HEATR4: variants seen among roughly 807,000 people sequenced by gnomAD.
HEATR4 encodes the protein HEAT repeat-containing protein 4.
HEATR4 carries 95 observed loss-of-function variants against 108.8 expected under a neutral mutation model. The ratio of observed to expected loss-of-function variants is 0.87; its 90% CI spans 0.74 to 1.04. HEATR4 has a LOEUF of 1.04. Among genes scored for constraint, HEATR4 ranks in the 50% least tolerant of loss-of-function variants. The pLI is 0.00. For synonymous variants in HEATR4, 443 were observed against 459.4 expected (o/e 0.96, Z 0.46); for missense variants, 1,152 against 1,253.8 (o/e 0.92, Z 1.23).
Position 73,492,892 on chromosome 14 carries a change from G to A in HEATR4, c.2844+174C>T, listed in dbSNP as rs3742846. On this transcript the variant is annotated intron_variant, in intron 17 of 17. Transcript: ENST00000553558. This position sits in a 1 kb window ranked among gnomAD's most constrained non-coding sequence, Gnocchi z 4.9. ...AGGACCAGCTGTCCTTGGCAACCAC[G>A]TTGTATGATAAGGGGCTGCTGCTCA... The A allele has an allele frequency of 3.1e-6, 5 of 1,613,630 alleles. No individual in the cohort carries two copies. The Admixed American group carries it at 8.3e-5, about 27-fold the overall frequency.
chr14:73,562,583 G>A (rs370778757), upstream of HEATR4, among the ~76,000 whole-genome samples: 13 of 152,124 alleles, frequency 8.5e-5, no homozygotes, highest in East Asian at 2.5e-3. Flanking sequence ...GGACGTGCAA[G>A]TAGGAGAGAT....
intron 17 of HEATR4, chr14:73,491,348 G>T (rs1018681149): frequency 2.1e-6 from 3 of 1,437,668 alleles, no homozygotes; most frequent in Non-Finnish European, 2.7e-6. Flanking sequence ...GGCCTCGCCC[G>T]CCGCGCGCTC....
the HEATR4 span, among the ~76,000 whole-genome samples, chr14:73,621,474 T>C: frequency 6.6e-6 from 1 of 152,212 alleles, no homozygotes; most frequent in African/African-American, 2.4e-5. Flanking sequence ...GACTGGGACC[T>C]GTCTGCCTCA....
Position 73,552,758 on chromosome 14 carries a change from T to C in HEATR4, c.-152+5993A>G, listed in dbSNP as rs1265538250. On this transcript the variant is annotated intron_variant, in intron 1 of 17. Coordinates refer to ENST00000553558, the MANE Select transcript of HEATR4 (RefSeq NM_001220484.1). The stretch of plus-strand genomic sequence containing the variant: ...CCCCACTTCCTGATCCCACAACACC[T>C]TGGGCCCTCCAGATAACCCGCTGCT... 2.1e-4 allele frequency among the ~76,000 whole-genome samples: 22 copies of C among 105,996 alleles called. 8 individuals are homozygous for C. The highest frequency in any genetic ancestry group is 3.3e-4 in the Non-Finnish European group (17 of 51,418). The allele number at this position is 105,996 out of a possible 152,430, so 69.5% of individuals were successfully genotyped here. A position where few individuals can be genotyped will look rare whatever the true frequency, so the allele number is the denominator to read the frequency against.
the HEATR4 span, among the ~76,000 whole-genome samples, chr14:73,564,273 G>C: frequency 6.6e-6 from 1 of 151,394 alleles, no homozygotes; most frequent in Non-Finnish European, 1.5e-5. Flanking sequence ...ACTCCAGCCT[G>C]GGTGACAGAG....
the HEATR4 span, chr14:73,617,141 A>G: frequency 6.2e-7 from 1 of 1,613,852 alleles, no homozygotes. Context: ...TGAATGATGT[A>G]CATCTGGAGT....
intron 17 of HEATR4, among the ~76,000 whole-genome samples, chr14:73,486,888 T>C (rs1239144835): frequency 6.6e-6 from 1 of 152,194 alleles, no homozygotes; most frequent in Non-Finnish European, 1.5e-5. Context: ...TCATACTATG[T>C]ACACTTAAAC....
chr14:73,569,523 A>G, the HEATR4 span: 189 of 1,608,200 alleles, frequency 1.2e-4, 6 homozygotes, highest in Non-Finnish European at 1.5e-4. Context: ...GCAGCCGGTC[A>G]CGCTGCGCGC....
At chr14:73,528,597 A>C (rs955313435) in intron 2 of HEATR4, among the ~76,000 whole-genome samples, 5 of 152,070 alleles carry the variant, frequency 3.3e-5, no homozygotes, top group Admixed American at 3.3e-4. Flanking sequence ...CAAATTGTGC[A>C]CTTCCCAGTC....
At chr14:73,609,609 A>C in the HEATR4 span, among the ~76,000 whole-genome samples, 1 of 151,748 alleles carries the variant, frequency 6.6e-6, no homozygotes, top group African/African-American at 2.4e-5. Context: ...ACATCCTTCA[A>C]CTCCCTTGGG....
chr14:73,501,125 T>A (rs1304557600), intron 11 of HEATR4, among the ~76,000 whole-genome samples: 2 of 152,210 alleles, frequency 1.3e-5, no homozygotes, highest in Non-Finnish European at 2.9e-5. Context: ...TTATTTATTT[T>A]ATTATTTTTT....
chr14:73,574,878 C>A, the HEATR4 span: 1 of 1,612,832 alleles, frequency 6.2e-7, no homozygotes, highest in Non-Finnish European at 8.5e-7. Context: ...TGGAATCATT[C>A]TTCTTCTTTT....
chr14:73,578,978 G>C, the HEATR4 span, among the ~76,000 whole-genome samples: 2 of 151,494 alleles, frequency 1.3e-5, no homozygotes, highest in Non-Finnish European at 2.9e-5. Context: ...CCAGCTACTC[G>C]GGAGGCTGAG....
intron 17 of HEATR4, 98 bp from the exon 18 acceptor site, chr14:73,478,940 T>C (rs1447956093): frequency 1.8e-5 from 8 of 440,302 alleles, no homozygotes; most frequent in African/African-American, 1.5e-4. Flanking sequence ...GGGTGTCTCC[T>C]TTTTTTTTTT....
rs1412886530 is a variant in HEATR4, at chr14:73,551,351, G to A, written c.-152+7400C>T. On this transcript the variant is annotated intron_variant, in intron 1 of 17. Transcript: ENST00000553558. ...CCTCACCCACTAGGAATGTCAGGTGGTGGTTGACAGTTATCACGTTGCCTC... is the reference window on the plus strand; with the variant it reads ...CCTCACCCACTAGGAATGTCAGGTGATGGTTGACAGTTATCACGTTGCCTC... Among the ~76,000 whole-genome samples, 4 of 114,726 alleles carry A rather than the reference G, an allele frequency of 3.5e-5. 1 individual carries two copies. The highest frequency in any genetic ancestry group is 2.0e-4 in the Admixed American group (2 of 10,012). The allele number at this position is 114,726 out of a possible 152,430, so 75.3% of individuals were successfully genotyped here.
the HEATR4 span, chr14:73,595,914 TTTAG>T: frequency 6.1e-6 from 2 of 326,642 alleles, no homozygotes; most frequent in East Asian, 5.1e-5. Flanking sequence ...TCTAGATTTT[TTTAG>T]TTAATGTTTT....
intron 17 of HEATR4, among the ~76,000 whole-genome samples, chr14:73,486,596 G>GT (rs1885463012): frequency 6.6e-6 from 1 of 152,104 alleles, no homozygotes; most frequent in African/African-American, 2.4e-5. Context: ...TACTTGGGAG[G>GT]TGGAGACAGG....
At position 73,556,962 on chromosome 14, in the gene HEATR4, G is replaced by A. The variant is rs1336780329; in HGVS notation, c.-152+1789C>T. The stretch of plus-strand genomic sequence containing the variant: ...AAGAAAGGACTTATTAATGGAGTTT[G>A]GAGGCTCCTTATTATCGAAACTTAC... On this transcript the variant is annotated intron_variant, in intron 1 of 17. Transcript: ENST00000553558. Among the ~76,000 whole-genome samples the A allele has an allele frequency of 3.5e-5, 4 of 112,824 alleles. 2 individuals are homozygous for A. The highest frequency in any genetic ancestry group is 7.7e-5 in the Non-Finnish European group (4 of 51,706). 74.0% of individuals were successfully genotyped at this position (112,824 alleles called of 152,430 possible).
At chr14:73,574,985 G>A in the HEATR4 span, 17 of 1,603,702 alleles carry the variant, frequency 1.1e-5, no homozygotes, top group East Asian at 3.6e-4. Flanking sequence ...CTTTCCTGAA[G>A]GGCATCACGG....
Sources: gnomAD v4.1 joint callset for allele counts (sites outside exome capture counted in the v4.1 genomes callset) on GRCh38, gnomAD v4.1.1 for gene constraint, Gnocchi (gnomAD v3.1) non-coding constraint, MANE v1.5 for transcripts, NCBI Gene and HGNC (gene_info 2026-07-23, HGNC 2026-07-21) for gene names.